The following C2CD5 variants were observed in gnomAD, a reference collection of about 807,000 sequenced individuals.
C2CD5 encodes C2 domain-containing protein 5.
C2CD5 carries 109 observed loss-of-function variants against 130.3 expected under a neutral mutation model. That is an observed-to-expected ratio of 0.84 (90% confidence interval 0.72 to 0.98). The LOEUF is 0.98. C2CD5 is among the 50% of genes least tolerant of loss of function. C2CD5 has a pLI of 0.00. For synonymous variants in C2CD5, 454 were observed against 429.2 expected, an observed-to-expected ratio of 1.06 and a Z score of -0.71; for missense variants, 996 against 1,261.8, an observed-to-expected ratio of 0.79 and a Z score of 3.19.
chr12:22,530,662 G>A (rs1400782482), intron 3 of C2CD5, among the ~76,000 whole-genome samples: 12 of 151,810 alleles, frequency 7.9e-5, no homozygotes, highest in Non-Finnish European at 1.3e-4. Context: ...TCACTCTGTT[G>A]CCCAGGCTGG....
chr12:22,459,375 A>T, intron 23 of C2CD5, 117 bp downstream of exon 23: 1 of 504,822 alleles, frequency 2.0e-6, no homozygotes, highest in Non-Finnish European at 3.4e-6. Flanking sequence ...AAAAAGCCAG[A>T]TTTTGGTGTC....
chr12:22,522,490 T>C (rs777634843), intron 7 of C2CD5, among the ~76,000 whole-genome samples: 21 of 152,166 alleles, frequency 1.4e-4, no homozygotes, highest in Admixed American at 4.6e-4. Context: ...GGATCACACA[T>C]AGATTTTCTA....
chr12:22,535,244 A>G lies in C2CD5; in HGVS notation c.177+14T>C, dbSNP rs777627711. On this transcript the variant is annotated intron_variant, in intron 3 of 26. Transcript: ENST00000446597. ...AAAAAATACACTCAAAAATGCTGAC[A>G]TTTAAAAACTTACCTCAAATTTAAA... The G allele has an allele frequency of 2.0e-6, 3 of 1,464,844 alleles. No individual in the cohort carries two copies. In the East Asian group the frequency reaches 6.8e-5, roughly 33 times the overall value. 90.7% of individuals were successfully genotyped at this position (1,464,844 alleles called of 1,614,324 possible).
At chr12:22,488,090 T>C (rs1449317782) in intron 12 of C2CD5, among the ~76,000 whole-genome samples, 1 of 151,870 alleles carries the variant, frequency 6.6e-6, no homozygotes, top group Non-Finnish European at 1.5e-5. Flanking sequence ...ATAAACCTAA[T>C]GTTAAATGAC....
chr12:22,506,878 C>T (rs978771484), intron 9 of C2CD5, 59 bp from the exon 10 acceptor site: 7 of 1,096,242 alleles, frequency 6.4e-6, no homozygotes, highest in African/African-American at 1.5e-5. Flanking sequence ...AAAAAATTTG[C>T]TTATTAAAAA....
chr12:22,524,902 C>T (rs986098858), intron 5 of C2CD5, among the ~76,000 whole-genome samples: 2 of 151,936 alleles, frequency 1.3e-5, no homozygotes, highest in Non-Finnish European at 2.9e-5. Flanking sequence ...TATAGAAGAC[C>T]TTAAACAGAA....
intron 10 of C2CD5, among the ~76,000 whole-genome samples, chr12:22,506,240 A>T (rs1302406555): frequency 1.3e-5 from 2 of 152,156 alleles, no homozygotes; most frequent in Admixed American, 1.3e-4. Context: ...CCCTGGGCTC[A>T]AGCGATCCTC....
At chr12:22,542,820 CCTA>C (rs1952527035) in intron 2 of C2CD5, among the ~76,000 whole-genome samples, 1 of 152,164 alleles carries the variant, frequency 6.6e-6, no homozygotes, top group Non-Finnish European at 1.5e-5. Context: ...TAACAATACT[CCTA>C]TAGCAGGACT....
At chr12:22,527,490 G>A (rs1591996100) in intron 4 of C2CD5, among the ~76,000 whole-genome samples, 1 of 151,518 alleles carries the variant, frequency 6.6e-6, no homozygotes, top group Non-Finnish European at 1.5e-5. Context: ...AGCTAATTTT[G>A]TATTTTTAGT....
intron 4 of C2CD5, among the ~76,000 whole-genome samples, chr12:22,527,519 T>C (rs1950834841): frequency 6.6e-6 from 1 of 151,754 alleles, no homozygotes; most frequent in Non-Finnish European, 1.5e-5. Flanking sequence ...GGTTTCTCCA[T>C]GTTGATCAGG....
intron 26 of C2CD5, among the ~76,000 whole-genome samples, chr12:22,453,376 T>A (rs1244167034): frequency 6.6e-6 from 1 of 152,204 alleles, no homozygotes; most frequent in African/African-American, 2.4e-5. Context: ...GATTAATTTT[T>A]AAAAAATTTT....
At chr12:22,541,889 T>C (rs545940570) in intron 2 of C2CD5, among the ~76,000 whole-genome samples, 222 of 152,322 alleles carry the variant, frequency 1.5e-3, no homozygotes, top group African/African-American at 5.1e-3. Flanking sequence ...TTATTCACCA[T>C]GTATATACAT....
intron 9 of C2CD5, among the ~76,000 whole-genome samples, chr12:22,509,205 G>A (rs1948922050): frequency 1.3e-5 from 2 of 152,188 alleles, no homozygotes; most frequent in African/African-American, 4.8e-5. Flanking sequence ...CTAGACAAGA[G>A]ATACTGAAAA....
At chr12:22,523,369 A>C in intron 7 of C2CD5, 57 bp downstream of exon 7, 1 of 1,373,242 alleles carries the variant, frequency 7.3e-7, no homozygotes, top group South Asian at 1.2e-5. Flanking sequence ...TCAAATGAAA[A>C]AGCATAGATA....
intron 10 of C2CD5, among the ~76,000 whole-genome samples, chr12:22,495,497 T>A (rs1468909940): frequency 2.7e-5 from 4 of 150,710 alleles, no homozygotes; most frequent in African/African-American, 7.3e-5. Context: ...GTATAACACA[T>A]AAAATAATCA....
In C2CD5 at chr12:22,524,518, T is replaced by G. The variant is rs939353873; in HGVS notation, c.555A>C (p.Pro185=). ...EYQWIDRIRT[P]RASNEARQRL... Reference sequence around the variant, plus strand: ...TCTGTCTGGCCTCATTTGATGCCCTTGGTGTGCGAATTCGATCAATCCACT... The same window carrying G: ...TCTGTCTGGCCTCATTTGATGCCCTGGGTGTGCGAATTCGATCAATCCACT... The change falls in exon 6 of 27, where the codon CCA becomes CCC. Residue 185 remains proline, a synonymous_variant. Coordinates refer to ENST00000446597, the MANE Select transcript of C2CD5 (RefSeq NM_001286176.2). 1.2e-6 allele frequency: 2 copies of G among 1,613,876 alleles called. No homozygotes were observed. The highest frequency in any genetic ancestry group is 8.5e-7 in the Non-Finnish European group (1 of 1,179,914).
rs774869482 is a variant in C2CD5 at position 22,469,730 on chromosome 12, G to C, written c.2512C>G (p.His838Asp). The C allele has an allele frequency of 3.1e-6, 5 of 1,603,604 alleles. No homozygotes were observed. In the East Asian group the frequency reaches 1.1e-4, roughly 37 times the overall value. ...LELCSDSLPS[H>D]PFPPAKEHLE... ...CAACCTTTAGCTGGTGGAAAAGGAT[G>C]AGAAGGAAGTGAATCTGAACACAGT... is the stretch of plus-strand genomic sequence containing the variant. The change falls in exon 22 of 27, where the codon CAT becomes GAT. Residue 838 changes from histidine to aspartate, a missense_variant. This residue lies in a region of C2CD5 where 590 missense variants were observed against 631.4 expected (regional missense o/e 0.93). Transcript: ENST00000446597.
intron 3 of C2CD5, among the ~76,000 whole-genome samples, chr12:22,530,618 C>T (rs890714415): frequency 2.0e-5 from 3 of 151,906 alleles, no homozygotes; most frequent in Admixed American, 6.6e-5. Context: ...CCACCACACC[C>T]GGCTAATTTT....
intron 10 of C2CD5, among the ~76,000 whole-genome samples, chr12:22,506,438 T>C (rs1170234974): frequency 2.0e-5 from 3 of 152,172 alleles, no homozygotes; most frequent in African/African-American, 7.2e-5. Context: ...AAAATGTTTA[T>C]CTCCCCTGGG....
Sources: gnomAD v4.1 joint callset for allele counts (sites outside exome capture counted in the v4.1 genomes callset) on GRCh38, gnomAD v4.1.1 for gene constraint, gnomAD v4.1.1 regional missense constraint, MANE v1.5 for transcripts, NCBI Gene and HGNC (gene_info 2026-07-23, HGNC 2026-07-21) for gene names.